The following CHD6 variants were observed in gnomAD, a reference collection of about 807,000 sequenced individuals.
The protein encoded by CHD6 is ATP-dependent chromatin remodeler CHD6.
CHD6 carries 50 observed loss-of-function variants against 276.9 expected under a neutral mutation model. That is an observed-to-expected ratio of 0.18 (90% CI 0.14 to 0.23). The LOEUF (loss-of-function observed/expected upper bound fraction) is 0.23. CHD6 is among the 10% of genes least tolerant of loss of function. The pLI is 1.00. For missense variants in CHD6, 2,564 were observed against 3,365.8 expected, an observed-to-expected ratio of 0.76 and a Z score of 5.89; for synonymous variants, 1,173 against 1,229.3, an observed-to-expected ratio of 0.95 and a Z score of 0.96.
At chr20:41,416,819 T>C (rs2047014629) in intron 32 of CHD6, 25 bp from the exon 33 acceptor site, 1 of 1,485,862 alleles carries the variant, frequency 6.7e-7, no homozygotes, top group Admixed American at 2.4e-5. Flanking sequence ...AAAGCTCTGA[T>C]GAATAAGGAT....
chr20:41,464,955 T>G (rs555150352), intron 17 of CHD6, among the ~76,000 whole-genome samples: 1 of 151,958 alleles, frequency 6.6e-6, no homozygotes, highest in Non-Finnish European at 1.5e-5. Context: ...ACAAAATAAA[T>G]AGAGTAATGG....
At chr20:41,440,303 A>G (rs376534184) in intron 25 of CHD6, among the ~76,000 whole-genome samples, 174 bp from the exon 26 acceptor site, 3 of 152,340 alleles carry the variant, frequency 2.0e-5, no homozygotes, top group East Asian at 1.9e-4. Context: ...CTGGTGCTAA[A>G]GCGGACACCT....
rs1244021549 is a variant in CHD6, at chr20:41,555,619, G to A, written c.-23-4259C>T. 1.7e-3 allele frequency among the ~76,000 whole-genome samples: 254 copies of A among 151,388 alleles called. 1 individual carries two copies. The highest frequency in any genetic ancestry group is 3.9e-3 in the Admixed American group (59 of 15,256). On this transcript the variant is annotated intron_variant, in intron 1 of 36. Coordinates refer to ENST00000373233, the MANE Select transcript of CHD6 (RefSeq NM_032221.5). ...CGCTCCTCACCTCCCAGACGGGGTC[G>A]CGGCCGGGTAGAGGCACTCCTCACA...
intron 17 of CHD6, among the ~76,000 whole-genome samples, chr20:41,466,139 T>G (rs575595482): frequency 6.6e-6 from 1 of 152,012 alleles, no homozygotes; most frequent in Non-Finnish European, 1.5e-5. Context: ...GAGGTGGAGG[T>G]TGCAGTGAGC....
chr20:41,411,617 T>C (rs182136454), intron 36 of CHD6, among the ~76,000 whole-genome samples: 38 of 152,040 alleles, frequency 2.5e-4, no homozygotes, highest in Admixed American at 5.9e-4. Flanking sequence ...AAACTATAAT[T>C]AACTCGGATT....
chr20:41,498,293 A>G (rs2043737449), intron 6 of CHD6, 67 bp from the exon 7 acceptor site: 2 of 1,074,582 alleles, frequency 1.9e-6, no homozygotes, highest in Non-Finnish European at 2.8e-6. Flanking sequence ...AGCCAAAAGA[A>G]AACAGGTAAT....
rs199862093 is a variant in CHD6, at chr20:41,533,163, T to C, written c.441A>G (p.Gln147=). The change falls in exon 3 of 37, where the codon CAA becomes CAG. Residue 147 remains glutamine (Q), a synonymous_variant. Coordinates refer to ENST00000373233, the MANE Select transcript of CHD6 (RefSeq NM_032221.5). ...KKAKEHKEPK[Q]KDGAKKARKP... ...TCCGTGCCTTCTTTGCCCCATCTTT[T>C]TGCTTCGGCTCCTTGTGCTCCTTGG... 6.2e-7 allele frequency: 1 copy of C among 1,614,130 alleles called. No homozygotes were observed. The highest frequency in any genetic ancestry group is 2.2e-5 in the East Asian group (1 of 44,882).
chr20:41,617,687 C>A lies in CHD6; in HGVS notation c.-24+653G>T, dbSNP rs187726519. Among the ~76,000 whole-genome samples, 430 of 152,202 alleles carry A rather than the reference C, an allele frequency of 2.8e-3. 1 individual carries two copies. Among genetic ancestry groups the A allele is most frequent in the African/African-American group, 9.8e-3 (409 of 41,552 alleles). ...AAACTTGGCAGCGGGGTTGCAGGAC[C>A]CCTCCTGGGCTCCAATTTTCGGGGC... On this transcript the variant is annotated intron_variant, in intron 1 of 36. Coordinates refer to ENST00000373233, the MANE Select transcript of CHD6 (RefSeq NM_032221.5).
intron 17 of CHD6, among the ~76,000 whole-genome samples, chr20:41,467,876 T>A: frequency 6.6e-6 from 1 of 151,906 alleles, no homozygotes. Context: ...ACGTGACTCA[T>A]TCTATTTAGG....
At chr20:41,542,562 G>A (rs919919073) in intron 2 of CHD6, among the ~76,000 whole-genome samples, 4 of 151,802 alleles carry the variant, frequency 2.6e-5, no homozygotes, top group South Asian at 2.1e-4. Context: ...GCATGGTGGC[G>A]GGCGCCTGTA....
chr20:41,505,547 C>A (rs1362674808), intron 5 of CHD6, among the ~76,000 whole-genome samples: 1 of 152,148 alleles, frequency 6.6e-6, no homozygotes, highest in East Asian at 1.9e-4. Flanking sequence ...CAGCCCACCT[C>A]CGGATGACTC....
intron 1 of CHD6, among the ~76,000 whole-genome samples, chr20:41,579,584 G>T (rs1020059578): frequency 2.6e-5 from 4 of 152,224 alleles, no homozygotes; most frequent in African/African-American, 7.2e-5. Context: ...GATACTAGTG[G>T]TCTCTAAAGA....
intron 27 of CHD6, among the ~76,000 whole-genome samples, chr20:41,432,855 G>A (rs760550215): frequency 1.3e-5 from 2 of 152,094 alleles, no homozygotes; most frequent in Non-Finnish European, 2.9e-5. Flanking sequence ...ATGAAACAGT[G>A]AAATGAAATG....
rs961131660 is a variant in CHD6 at position 41,403,733 on chromosome 20, T to A, written c.*860A>T. The A allele has an allele frequency of 4.7e-6, 5 of 1,057,280 alleles. No homozygotes were observed. The highest frequency in any genetic ancestry group is 5.7e-6 in the Non-Finnish European group (5 of 874,308). 65.5% of individuals were successfully genotyped at this position (1,057,280 alleles called of 1,614,324 possible). Reference sequence around the variant, plus strand: ...TGCTCTTTAAACACAGAGAGGCAAATTAATGGCTAGAGAAATCTGTAAGCG... The same window carrying A: ...TGCTCTTTAAACACAGAGAGGCAAAATAATGGCTAGAGAAATCTGTAAGCG... On this transcript the variant is annotated 3_prime_UTR_variant, in exon 37 of 37. Coordinates refer to ENST00000373233, the MANE Select transcript of CHD6 (RefSeq NM_032221.5).
In CHD6 at chr20:41,447,877, T is replaced by C. The variant is rs1268439151; in HGVS notation, c.3773+5A>G. 1 of 1,600,088 alleles carries C rather than the reference T, an allele frequency of 6.2e-7. No individual in the cohort carries two copies. The highest frequency in any genetic ancestry group is 1.1e-5 in the South Asian group (1 of 89,726). Reference sequence around the variant, plus strand: ...CGTTGATATGTTAAGTTTCATTTGCTTTACCTGGCAGGAGATCCTTCAAAT... The same window carrying C: ...CGTTGATATGTTAAGTTTCATTTGCCTTACCTGGCAGGAGATCCTTCAAAT... On this transcript the variant is annotated splice_donor_5th_base_variant and intron_variant, in intron 24 of 36. Coordinates refer to ENST00000373233, the MANE Select transcript of CHD6 (RefSeq NM_032221.5).
chr20:41,512,575 TGGCTG>T (rs1568660735), intron 5 of CHD6, among the ~76,000 whole-genome samples: 1 of 151,938 alleles, frequency 6.6e-6, no homozygotes, highest in East Asian at 1.9e-4. Context: ...GCCAGTCTTT[TGGCTG>T]GAGAGTAATG....
chr20:41,489,671 C>A, intron 12 of CHD6, 107 bp downstream of exon 12: 1 of 1,409,258 alleles, frequency 7.1e-7, no homozygotes, highest in Non-Finnish European at 9.9e-7. Flanking sequence ...CAAAGTCATT[C>A]CACATTAATA....
At chr20:41,411,503 C>A (rs532290071) in intron 36 of CHD6, among the ~76,000 whole-genome samples, 1 of 152,302 alleles carries the variant, frequency 6.6e-6, no homozygotes, top group African/African-American at 2.4e-5. Flanking sequence ...GCTAAAAGCA[C>A]ATTTATGTAT....
At position 41,488,548 on chromosome 20, in the gene CHD6, C is replaced by A. The variant is rs1307567803; in HGVS notation, c.1737G>T (p.Met579Ile). 1 of 1,613,918 alleles carries A rather than the reference C, an allele frequency of 6.2e-7. No individual in the cohort carries two copies. The highest frequency in any genetic ancestry group is 8.5e-7 in the Non-Finnish European group (1 of 1,179,874). ...TCAACTCTGGGCAGTCTGCTAGGAT[C>A]ATTTCAAATGTTGTGATGACGACGT... ...KFHVVITTFE[M>I]ILADCPELKK... The change falls in exon 13 of 37, where the codon ATG becomes ATT. Residue 579 changes from methionine to isoleucine, a missense_variant. Around this residue, in one of 7 missense-constraint regions of CHD6, gnomAD observed 457 missense variants for 889.0 expected, o/e 0.51. Transcript: ENST00000373233.
Sources: allele counts gnomAD v4.1 joint callset (sites outside exome capture counted in the v4.1 genomes callset), GRCh38; gene constraint gnomAD v4.1.1; regional missense constraint gnomAD v4.1.1; transcripts MANE v1.5; gene names NCBI Gene and HGNC (gene_info 2026-07-23, HGNC 2026-07-21).